The following A1BG variants were observed in gnomAD, a reference collection of about 807,000 sequenced individuals.
The protein encoded by A1BG is alpha-1B-glycoprotein.
A neutral mutation model predicts 46.0 loss-of-function variants in A1BG; 44 were observed. The observed-to-expected ratio is 0.96, with a 90% CI of 0.75 to 1.23. The LOEUF (loss-of-function observed/expected upper bound fraction) is 1.23, where lower values mean the gene tolerates loss of function less well. Ranked by LOEUF, A1BG falls within the 50% of genes most tolerant of loss-of-function variation. A1BG has a pLI of 0.00. For missense variants in A1BG, 707 were observed against 688.8 expected (o/e 1.03, Z -0.30); for synonymous variants, 316 against 314.7 (o/e 1.00, Z -0.04).
chr19:58,347,221 G>A lies in A1BG; in HGVS notation c.1480+132C>T. 2.2e-6 allele frequency: 3 copies of A among 1,384,432 alleles called. No homozygotes were observed. The South Asian group carries it at 3.9e-5, about 18-fold the overall frequency. 85.8% of individuals were successfully genotyped at this position (1,384,432 alleles called of 1,614,324 possible). A position where few individuals can be genotyped will look rare whatever the true frequency, so the allele number is the denominator to read the frequency against. On this transcript the variant is annotated intron_variant, in intron 7 of 7. Coordinates refer to ENST00000263100, the MANE Select transcript of A1BG (RefSeq NM_130786.4). The stretch of plus-strand genomic sequence containing the variant: ...GGTTCCTCGCCCGCAATTCCCCCAC[G>A]AGCCCTGGGGAGACCCAGCGCTAAC...
intron 6 of A1BG, 38 bp from the exon 7 acceptor site, chr19:58,347,678 C>T (rs1321439713): frequency 2.3e-6 from 3 of 1,286,408 alleles, no homozygotes; most frequent in Non-Finnish European, 2.9e-6. Flanking sequence ...CAGGCCACGC[C>T]CCAGGCCACG....
chr19:58,349,088 G>C (rs2051935473), intron 6 of A1BG: 1 of 151,876 alleles, frequency 6.6e-6, no homozygotes, highest in Non-Finnish European at 1.5e-5. Flanking sequence ...GCATGACCTG[G>C]ACTCACTGCA....
chr19:58,350,900 A>G, intron 5 of A1BG: 1 of 436,164 alleles, frequency 2.3e-6, no homozygotes. Context: ...GGACGGGGAC[A>G]TGTTTTGTGC....
At chr19:58,351,202 T>C in intron 5 of A1BG, 189 bp downstream of exon 5, 1 of 733,734 alleles carries the variant, frequency 1.4e-6, no homozygotes, top group South Asian at 1.8e-5. Flanking sequence ...AGTTATTCCC[T>C]GTGGGGCCTG....
intron 6 of A1BG, chr19:58,349,632 A>G (rs2051939078): frequency 6.6e-6 from 1 of 150,552 alleles, no homozygotes. Context: ...GCCTGCAAGA[A>G]TAAAAGTAAG....
intron 4 of A1BG, 115 bp downstream of exon 4, chr19:58,352,168 G>A: frequency 6.6e-7 from 1 of 1,519,710 alleles, no homozygotes; most frequent in South Asian, 1.3e-5. Flanking sequence ...CGTGTGGCCA[G>A]CTTCCTGGAC....
chr19:58,353,154 C>A lies in A1BG; in HGVS notation c.114G>T (p.Leu38=). Residue 38 remains leucine, a synonymous_variant, in exon 3 of 8, where the codon CTG becomes CTT. Coordinates refer to ENST00000263100, the MANE Select transcript of A1BG (RefSeq NM_130786.4). ...QPSLWAESES[L]LKPLANVTLT... is the part of the protein sequence containing the mutation. ...GCGTCACATTGGCCAAGGGTTTCAG[C>A]AGTGATTCGGACTCTGCCCACAGGC... The A allele has an allele frequency of 6.2e-7, 1 of 1,614,194 alleles. No individual in the cohort carries two copies. Among genetic ancestry groups the A allele is most frequent in the Non-Finnish European group, 8.5e-7 (1 of 1,180,024 alleles).
chr19:58,353,364 C>T (rs749197375), intron 1 of A1BG, 37 bp from the exon 2 acceptor site: 1 of 1,610,198 alleles, frequency 6.2e-7, no homozygotes, highest in Non-Finnish European at 8.5e-7. Context: ...CTGTTCCCGC[C>T]CCCTCCCGCC....
chr19:58,346,938 G>A lies in A1BG; in HGVS notation c.*84C>T. The A allele has an allele frequency of 6.8e-7, 1 of 1,464,456 alleles. No individual in the cohort carries two copies. Among genetic ancestry groups the A allele is most frequent in the Non-Finnish European group, 9.6e-7 (1 of 1,043,584 alleles). The allele number at this position is 1,464,456 out of a possible 1,614,324, so 90.7% of individuals were successfully genotyped here. ...CCAGCCCCCCAGAGACCCCGGCCTT[G>A]TGCTGCAACAGGAGGGGAGGGAGCC... On this transcript the variant is annotated 3_prime_UTR_variant, in exon 8 of 8. Transcript: ENST00000263100.
chr19:58,347,578 C>A lies in A1BG; in HGVS notation c.1255G>T (p.Ala419Ser). ...ATGGGTCCCTCGCAGCGCAGGACGG[C>A]ATCTCGGCCCGCCAGGACCGCCCCA... is the stretch of plus-strand genomic sequence containing the variant. Reference protein sequence around the residue: ...WSGAVLAGRDAVLRCEGPIPD... With the variant: ...WSGAVLAGRDSVLRCEGPIPD... Residue 419 changes from alanine to serine, a missense_variant, in exon 7 of 8, where the codon GCC becomes TCC. Ala to Ser is a moderately conservative substitution (Grantham distance 99). Transcript: ENST00000263100. 1 of 1,530,220 alleles carries A rather than the reference C, an allele frequency of 6.5e-7. No homozygotes were observed. The allele number at this position is 1,530,220 out of a possible 1,614,324, so 94.8% of individuals were successfully genotyped here.
chr19:58,350,891 G>A (rs1030919845), intron 5 of A1BG: 5 of 444,012 alleles, frequency 1.1e-5, no homozygotes, highest in African/African-American at 6.1e-5. Flanking sequence ...GGGAAGCGGG[G>A]ACGGGGACAT....
Position 58,350,551 on chromosome 19 carries a change from C to T in A1BG, c.1011G>A (p.Val337=), listed in dbSNP as rs950598330. ...APLEGARFAL[V]REDRGGRRVH... Reference sequence around the variant, plus strand: ...CGCGGCGCCCGCCCCTGTCCTCGCGCACCAGGGCGAAGCGCGCGCCCTCCA... The same window carrying T: ...CGCGGCGCCCGCCCCTGTCCTCGCGTACCAGGGCGAAGCGCGCGCCCTCCA... Residue 337 remains valine (V), a synonymous_variant, in exon 6 of 8, where the codon GTG becomes GTA. Coordinates refer to ENST00000263100, the MANE Select transcript of A1BG (RefSeq NM_130786.4). The T allele has an allele frequency of 7.8e-6, 12 of 1,547,262 alleles. No homozygotes were observed. Among genetic ancestry groups the T allele is most frequent in the Non-Finnish European group, 1.0e-5 (12 of 1,145,452 alleles).
intron 3 of A1BG, 154 bp from the exon 4 acceptor site, chr19:58,352,709 A>G: frequency 8.4e-7 from 1 of 1,190,666 alleles, no homozygotes; most frequent in South Asian, 1.5e-5. Flanking sequence ...GAAACAAGGC[A>G]TACGGCAAGA....
rs1415405096 is a variant in A1BG, at chr19:58,353,029, T to G, written c.239A>C (p.Gln80Pro). The change falls in exon 3 of 8, where the codon CAG becomes CCG. Residue 80 changes from glutamine (Q) to proline (P), a missense_variant. Gln to Pro is a moderately conservative substitution (Grantham distance 76). Coordinates refer to ENST00000263100, the MANE Select transcript of A1BG (RefSeq NM_130786.4). ...VHLDSPAIKH[Q>P]FLLTGDTQGR... ...CTGGGTGTCACCCGTCAGCAGGAAC[T>G]GGTGCTTGATGGCAGGTGAGTCAAG... is the stretch of plus-strand genomic sequence containing the variant. 1.2e-6 allele frequency: 2 copies of G among 1,614,090 alleles called. No individual in the cohort carries two copies. The highest frequency in any genetic ancestry group is 4.5e-5 in the East Asian group (2 of 44,878).
At chr19:58,347,775 G>C in intron 6 of A1BG, 135 bp from the exon 7 acceptor site, 1 of 511,794 alleles carries the variant, frequency 2.0e-6, no homozygotes, top group East Asian at 3.9e-5. Context: ...TTGTTCCTGG[G>C]CGCAGAGGGC....
At position 58,353,447 on chromosome 19, in the gene A1BG, G is replaced by A. The variant is rs368025863; in HGVS notation, c.-10C>T. On this transcript the variant is annotated 5_prime_UTR_variant, in exon 1 of 8. Coordinates refer to ENST00000263100, the MANE Select transcript of A1BG (RefSeq NM_130786.4). ...CCACGAGCATGGACATGATGGTCGCGCTCACTCCGGTGCAGTGAGTGTCTG... is the reference window on the plus strand; with the variant it reads ...CCACGAGCATGGACATGATGGTCGCACTCACTCCGGTGCAGTGAGTGTCTG... 1.7e-5 allele frequency: 27 copies of A among 1,606,060 alleles called. 1 individual carries two copies. The South Asian group carries it at 1.8e-4, about 11-fold the overall frequency.
chr19:58,347,811 C>G (rs1376145237), intron 6 of A1BG, 171 bp from the exon 7 acceptor site: 6 of 377,638 alleles, frequency 1.6e-5, no homozygotes, highest in Admixed American at 4.7e-5. Context: ...GAGCTGCGCC[C>G]GCTGCCTTCA....
chr19:58,349,874 G>C (rs368130567), intron 6 of A1BG: 1 of 153,708 alleles, frequency 6.5e-6, no homozygotes, highest in African/African-American at 2.4e-5. Context: ...CAAAGGGTAC[G>C]ACCTCAAGAT....
rs771083874 is a variant in A1BG, at chr19:58,347,552, G to A, written c.1281C>T (p.Ile427=). 1.3e-6 allele frequency: 2 copies of A among 1,566,334 alleles called. No individual in the cohort carries two copies. The highest frequency in any genetic ancestry group is 1.7e-6 in the Non-Finnish European group (2 of 1,159,456). The part of the protein sequence containing the change: ...RDAVLRCEGP[I]PDVTFELLRE... ...GCAGCAGCTCGAAGGTGACGTCGGG[G>A]ATGGGTCCCTCGCAGCGCAGGACGG... is the stretch of plus-strand genomic sequence containing the variant. The change falls in exon 7 of 8, where the codon ATC becomes ATT. Residue 427 remains isoleucine (I), a synonymous_variant. Coordinates refer to ENST00000263100, the MANE Select transcript of A1BG (RefSeq NM_130786.4).
Sources: allele counts gnomAD v4.1 joint callset, GRCh38; gene constraint gnomAD v4.1.1; transcripts MANE v1.5; gene names NCBI Gene and HGNC (gene_info 2026-07-23, HGNC 2026-07-21).